The following CRLF1 variants were observed in gnomAD, a reference collection of about 807,000 sequenced individuals.
The protein encoded by CRLF1 is cytokine receptor like factor 1, also known as cytokine receptor-like factor 1.
Under a neutral mutation model 48.9 loss-of-function variants are expected in CRLF1, and 36 were observed. The ratio of observed to expected loss-of-function variants is 0.74; its 90% CI spans 0.56 to 0.97. The LOEUF (loss-of-function observed/expected upper bound fraction) is 0.97, where lower values mean the gene tolerates loss of function less well. Among genes scored for constraint, CRLF1 ranks in the 50% least tolerant of loss-of-function variants. CRLF1 has a pLI of 0.00. For synonymous variants in CRLF1, 256 were observed against 253.4 expected (o/e 1.01, Z -0.10); for missense variants, 534 against 575.1 (o/e 0.93, Z 0.73).
At chr19:18,599,899 C>T in intron 1 of CRLF1, 53 bp from the exon 2 acceptor site, 1 of 1,453,688 alleles carries the variant, frequency 6.9e-7, no homozygotes, top group Non-Finnish European at 9.1e-7. Context: ...CTCCAAGCCC[C>T]CAACCATGCC....
chr19:18,595,749 G>A (rs1408884904), intron 6 of CRLF1, among the ~76,000 whole-genome samples: 2 of 152,178 alleles, frequency 1.3e-5, no homozygotes, highest in South Asian at 2.1e-4. Flanking sequence ...AACAGCTTTC[G>A]TTTCATTTCA....
chr19:18,603,556 C>T (rs912488211), intron 1 of CRLF1, among the ~76,000 whole-genome samples: 3 of 152,148 alleles, frequency 2.0e-5, no homozygotes, highest in Admixed American at 6.5e-5. Flanking sequence ...ACTCCCCAGG[C>T]GGCTGGAAGA....
intron 5 of CRLF1, 36 bp downstream of exon 5, chr19:18,596,852 TGGAA>T (rs749171844): frequency 3.7e-6 from 6 of 1,612,962 alleles, no homozygotes; most frequent in South Asian, 1.1e-5. Context: ...GGGCGGGGCC[TGGAA>T]GGAACAGGGG....
intron 6 of CRLF1, among the ~76,000 whole-genome samples, chr19:18,594,986 G>A (rs1476600684): frequency 6.6e-6 from 1 of 152,130 alleles, no homozygotes; most frequent in Non-Finnish European, 1.5e-5. Context: ...GACAGATGAA[G>A]GGAGACCGAG....
Position 18,598,811 on chromosome 19 carries a change from G to A in CRLF1, c.488C>T (p.Thr163Ile), listed in dbSNP as rs1198507226. 1 of 1,614,106 alleles carries A rather than the reference G, an allele frequency of 6.2e-7. No individual in the cohort carries two copies. Among genetic ancestry groups the A allele is most frequent in the Non-Finnish European group, 8.5e-7 (1 of 1,180,006 alleles). The change falls in exon 3 of 9, where the codon ACC (threonine) becomes ATC (isoleucine). Residue 163 changes from threonine (T) to isoleucine (I), a missense_variant. By Grantham distance (89) the Thr-to-Ile change is moderately conservative. This residue lies in a region of CRLF1 where 528 missense variants were observed against 555.7 expected (regional missense o/e 0.95). Transcript: ENST00000392386. ...CRWTPGAHGE[T>I]FLHTNYSLKY... Reference sequence around the variant, plus strand: ...GAGGGAGTAGTTGGTGTGGAGGAAGGTCTCCCCGTGGGCCCCTGGCGTCCA... The same window carrying A: ...GAGGGAGTAGTTGGTGTGGAGGAAGATCTCCCCGTGGGCCCCTGGCGTCCA...
chr19:18,601,019 C>T (rs757983836), intron 1 of CRLF1, among the ~76,000 whole-genome samples: 6 of 152,028 alleles, frequency 3.9e-5, no homozygotes, highest in East Asian at 1.9e-4. Flanking sequence ...TTGCTCAGGC[C>T]GGTCTTGAAC....
At chr19:18,599,097 C>G in intron 2 of CRLF1, 196 bp from the exon 3 acceptor site, 1 of 985,264 alleles carries the variant, frequency 1.0e-6, no homozygotes, top group Non-Finnish European at 1.2e-6. Context: ...GCTGGTGACT[C>G]GATCTCCGGG....
At chr19:18,602,194 G>A (rs956789445) in intron 1 of CRLF1, among the ~76,000 whole-genome samples, 1 of 152,200 alleles carries the variant, frequency 6.6e-6, no homozygotes, top group Admixed American at 6.5e-5. Flanking sequence ...CCCTTCTGGA[G>A]ACCAGAACCT....
chr19:18,599,468 T>C, intron 2 of CRLF1, 97 bp downstream of exon 2: 2 of 1,543,178 alleles, frequency 1.3e-6, no homozygotes, highest in Non-Finnish European at 1.8e-6. Context: ...TGCCCACAGC[T>C]CATCCCCAGG....
intron 6 of CRLF1, among the ~76,000 whole-genome samples, chr19:18,595,941 T>A (rs1443473750): frequency 6.6e-6 from 1 of 152,068 alleles, no homozygotes; most frequent in Admixed American, 6.5e-5. Context: ...ACTGGCCCCC[T>A]CTTAGGAGGG....
rs373505778 is a variant in CRLF1, at chr19:18,598,402, G to A, written c.697+30C>T. The A allele has an allele frequency of 2.5e-4, 400 of 1,591,176 alleles. 1 individual carries two copies. The highest frequency in any genetic ancestry group is 3.3e-4 in the Non-Finnish European group (383 of 1,165,486). On this transcript the variant is annotated intron_variant, in intron 4 of 8. Coordinates refer to ENST00000392386, the MANE Select transcript of CRLF1 (RefSeq NM_004750.5). Reference sequence around the variant, plus strand: ...CTCGGTGGGTGGGGCTGGTGCCGAGGGAGGGGCCTAGCAGACACTGGGGGC... The same window carrying A: ...CTCGGTGGGTGGGGCTGGTGCCGAGAGAGGGGCCTAGCAGACACTGGGGGC...
intron 6 of CRLF1, 149 bp from the exon 7 acceptor site, chr19:18,594,583 T>C: frequency 2.0e-6 from 1 of 499,018 alleles, no homozygotes; most frequent in Non-Finnish European, 2.9e-6. Context: ...CCCGCGGCCC[T>C]GCACAGCAGC....
At chr19:18,599,450 T>C (rs1214332398) in intron 2 of CRLF1, 115 bp downstream of exon 2, 1 of 1,441,300 alleles carries the variant, frequency 6.9e-7, no homozygotes, top group Non-Finnish European at 9.6e-7. Flanking sequence ...TGCATAGCCA[T>C]GCCAGTGTGC....
chr19:18,597,085 C>G, intron 4 of CRLF1, 36 bp from the exon 5 acceptor site: 1 of 1,600,004 alleles, frequency 6.2e-7, no homozygotes, highest in East Asian at 2.2e-5. Context: ...CAGCCTGGGA[C>G]TGTCTGGGTT....
chr19:18,594,030 G>GGGGTGGGGCC, intron 8 of CRLF1, 35 bp downstream of exon 8: 1 of 1,315,310 alleles, frequency 7.6e-7, no homozygotes, highest in Non-Finnish European at 1.1e-6. Context: ...CCCTCCCCTT[G>GGGGTGGGGCC]CTCCCTCCCG....
At chr19:18,605,865 C>T (rs1976286910) in intron 1 of CRLF1, among the ~76,000 whole-genome samples, 1 of 152,156 alleles carries the variant, frequency 6.6e-6, no homozygotes, top group Non-Finnish European at 1.5e-5. Flanking sequence ...GCTCCCGCTC[C>T]CTCTCCCTCT....
At position 18,599,142 on chromosome 19, in the gene CRLF1, G is replaced by T. The variant is rs1045227378; in HGVS notation, c.398-241C>A. 4 of 982,018 alleles carry T rather than the reference G, an allele frequency of 4.1e-6. No individual in the cohort carries two copies. In the Admixed American group the frequency reaches 2.5e-4, roughly 60 times the overall value. 60.8% of individuals were successfully genotyped at this position (982,018 alleles called of 1,614,324 possible). A position where few individuals can be genotyped will look rare whatever the true frequency, so the allele number is the denominator to read the frequency against. ...TTTTTTCGAGGCAAAGTCTCGCTCT[G>T]TCCCCCAGGCTGGAGTGCAATGGTG... On this transcript the variant is annotated intron_variant, in intron 2 of 8. Transcript: ENST00000392386.
chr19:18,605,817 C>T (rs964886009), intron 1 of CRLF1, among the ~76,000 whole-genome samples: 3 of 152,150 alleles, frequency 2.0e-5, no homozygotes, highest in Admixed American at 6.5e-5. Flanking sequence ...CCAGTGGGCC[C>T]CCTCAAAGTT....
intron 4 of CRLF1, among the ~76,000 whole-genome samples, 191 bp from the exon 5 acceptor site, chr19:18,597,240 G>A (rs543919645): frequency 3.3e-5 from 5 of 152,254 alleles, no homozygotes; most frequent in South Asian, 2.1e-4. Context: ...CCTAATTAAT[G>A]TTAGCTGTTA....
Sources: allele counts gnomAD v4.1 joint callset (sites outside exome capture counted in the v4.1 genomes callset), GRCh38; gene constraint gnomAD v4.1.1; regional missense constraint gnomAD v4.1.1; transcripts MANE v1.5; gene names NCBI Gene and HGNC (gene_info 2026-07-23, HGNC 2026-07-21).